SORCS1: variants seen among roughly 807,000 people sequenced by gnomAD.
SORCS1 encodes sortilin related VPS10 domain containing receptor 1.
In SORCS1, 60 loss-of-function variants were observed where a neutral mutation model predicts 146.1. The observed-to-expected ratio is 0.41, with a 90% CI of 0.33 to 0.51. The LOEUF (loss-of-function observed/expected upper bound fraction) is 0.51. Ranked by LOEUF, SORCS1 falls within the 20% of genes least tolerant of loss-of-function variation. SORCS1 has a pLI of 0.21. For synonymous variants in SORCS1, 637 were observed against 584.0 expected (o/e 1.09, Z -1.31); for missense variants, 1,352 against 1,487.6 (o/e 0.91, Z 1.50).
chr10:107,116,084 TAGG>T (rs1234675183), intron 1 of SORCS1, among the ~76,000 whole-genome samples: 9 of 151,878 alleles, frequency 5.9e-5, no homozygotes, highest in Admixed American at 6.6e-5. Context: ...TCATACATAG[TAGG>T]ATGGCCATTA....
At chr10:106,789,863 T>C (rs886296980) in intron 3 of SORCS1, among the ~76,000 whole-genome samples, 3 of 152,212 alleles carry the variant, frequency 2.0e-5, no homozygotes, top group Non-Finnish European at 4.4e-5. Context: ...GAAGTGTAAT[T>C]GACTCACAGT....
At chr10:107,113,259 T>A (rs1355940943) in intron 1 of SORCS1, among the ~76,000 whole-genome samples, 1 of 151,894 alleles carries the variant, frequency 6.6e-6, no homozygotes, top group East Asian at 1.9e-4. Flanking sequence ...GAACAATCAA[T>A]GGTTCAAAGA....
At chr10:106,852,177 T>C (rs1241788166) in intron 2 of SORCS1, among the ~76,000 whole-genome samples, 2 of 152,188 alleles carry the variant, frequency 1.3e-5, no homozygotes, top group African/African-American at 4.8e-5. Context: ...TTTATTACCT[T>C]TTCTTGTCTT....
At chr10:106,919,553 T>G (rs1256022204) in intron 2 of SORCS1, among the ~76,000 whole-genome samples, 1 of 152,162 alleles carries the variant, frequency 6.6e-6, no homozygotes, top group Non-Finnish European at 1.5e-5. Flanking sequence ...TGGATTCTGA[T>G]AGGTGTGTGT....
intron 6 of SORCS1, among the ~76,000 whole-genome samples, chr10:106,726,885 G>A (rs1856236346): frequency 1.3e-5 from 2 of 152,032 alleles, no homozygotes; most frequent in South Asian, 4.1e-4. Flanking sequence ...AGGAGATCGA[G>A]ACCATCCTGG....
chr10:106,782,995 G>A (rs1397655623), intron 3 of SORCS1, among the ~76,000 whole-genome samples: 4 of 152,182 alleles, frequency 2.6e-5, no homozygotes, highest in Admixed American at 2.6e-4. Flanking sequence ...TTCACACCAT[G>A]AGAAGAAAGG....
chr10:106,830,591 T>TA (rs201001660), intron 2 of SORCS1, among the ~76,000 whole-genome samples: 5,531 of 149,246 alleles, frequency 0.037, 122 homozygotes, highest in African/African-American at 0.06. Flanking sequence ...TTTTTTTTTT[T>TA]TAAAAAAATT....
intron 1 of SORCS1, among the ~76,000 whole-genome samples, chr10:107,048,325 G>A (rs911089295): frequency 5.9e-5 from 9 of 152,160 alleles, no homozygotes; most frequent in African/African-American, 1.9e-4. Context: ...CAAGGTCTTT[G>A]TAACAACATA....
chr10:107,034,680 C>CAAAAAAAAAAAAAAAAAAAAAAAAAAAAA (rs553032484), intron 1 of SORCS1, among the ~76,000 whole-genome samples: 2 of 13,796 alleles, frequency 1.4e-4, no homozygotes, highest in Non-Finnish European at 2.4e-4. Context: ...AACTCCATCT[C>CAAAAAAAAAAAAAAAAAAAAAAAAAAAAA]AAAAAAAAAA....
chr10:106,802,850 G>T (rs758926770), intron 3 of SORCS1, among the ~76,000 whole-genome samples: 7 of 152,014 alleles, frequency 4.6e-5, no homozygotes, highest in Non-Finnish European at 8.8e-5. Flanking sequence ...GGCCAGGCTG[G>T]TCTCAAACTC....
At chr10:107,097,134 G>C (rs1473306079) in intron 1 of SORCS1, among the ~76,000 whole-genome samples, 1 of 152,234 alleles carries the variant, frequency 6.6e-6, no homozygotes, top group Non-Finnish European at 1.5e-5. Flanking sequence ...TGACTGGCCA[G>C]TGTTAGGACA....
At chr10:106,920,515 C>T (rs1177065951) in intron 2 of SORCS1, among the ~76,000 whole-genome samples, 3 of 152,174 alleles carry the variant, frequency 2.0e-5, no homozygotes, top group Non-Finnish European at 4.4e-5. Flanking sequence ...CTCCCATGTC[C>T]TCATCCCTAC....
At chr10:107,049,188 T>C (rs903051126) in intron 1 of SORCS1, among the ~76,000 whole-genome samples, 1 of 146,364 alleles carries the variant, frequency 6.8e-6, no homozygotes. Flanking sequence ...ACACCGCATG[T>C]TCTCACTCAT....
At chr10:107,123,077 C>CAAAAAAAAAAAAAAAAAAAGAAA (rs35115429) in intron 1 of SORCS1, among the ~76,000 whole-genome samples, 1 of 79,116 alleles carries the variant, frequency 1.3e-5, no homozygotes, top group Non-Finnish European at 3.0e-5. Flanking sequence ...GACAAACTGG[C>CAAAAAAAAAAAAAAAAAAAGAAA]AAAAAAAAAA....
At chr10:106,924,573 A>G (rs1038638751) in intron 2 of SORCS1, among the ~76,000 whole-genome samples, 7 of 152,138 alleles carry the variant, frequency 4.6e-5, no homozygotes, top group Admixed American at 1.3e-4. Context: ...AAAAGAGGAA[A>G]TTGAAAAGAA....
At chr10:107,136,823 C>T (rs2134680290) in intron 1 of SORCS1, among the ~76,000 whole-genome samples, 1 of 152,276 alleles carries the variant, frequency 6.6e-6, no homozygotes, top group Non-Finnish European at 1.5e-5. Context: ...ATTCGGTCTA[C>T]ACTGACAGCC....
chr10:106,839,415 C>T (rs560407812), intron 2 of SORCS1, among the ~76,000 whole-genome samples: 3 of 152,250 alleles, frequency 2.0e-5, no homozygotes, highest in Admixed American at 6.5e-5. Context: ...AGAGCAAGGC[C>T]GTAATTTTCC....
At chr10:106,803,450 G>A (rs1202071857) in intron 3 of SORCS1, among the ~76,000 whole-genome samples, 2 of 152,106 alleles carry the variant, frequency 1.3e-5, no homozygotes, top group Admixed American at 6.6e-5. Flanking sequence ...CAGAAACTTT[G>A]ATGTCTAGCA....
In SORCS1 at chr10:106,760,304, C is replaced by T. The variant is rs186891332; in HGVS notation, c.959+1284G>A. ...CTAAAAATACAAAAACTTAGCCAGG[C>T]GTGATGGTGGGCGCCTGTAGTCCCA... is the stretch of plus-strand genomic sequence containing the variant. On this transcript the variant is annotated intron_variant, in intron 5 of 25. Transcript: ENST00000263054. 1.5e-3 allele frequency among the ~76,000 whole-genome samples: 227 copies of T among 151,812 alleles called. 3 individuals are homozygous for T. Among genetic ancestry groups the T allele is most frequent in the Middle Eastern group, 3.4e-3 (1 of 292 alleles).
Sources: allele counts gnomAD v4.1 joint callset (sites outside exome capture counted in the v4.1 genomes callset), GRCh38; gene constraint gnomAD v4.1.1; transcripts MANE v1.5; gene names NCBI Gene and HGNC (gene_info 2026-07-23, HGNC 2026-07-21).